ELSPBP1: variants seen among roughly 807,000 people sequenced by gnomAD.
ELSPBP1 encodes the protein epididymal sperm binding protein 1, also known as epididymal sperm-binding protein 1.
ELSPBP1 carries 38 observed loss-of-function variants against 33.3 expected under a neutral mutation model. The ratio of observed to expected loss-of-function variants is 1.14; its 90% CI spans 0.88 to 1.50. The LOEUF is 1.50. ELSPBP1 is among the 40% of genes most tolerant of loss of function. The pLI is 0.00. For synonymous variants in ELSPBP1, 85 were observed against 94.1 expected (o/e 0.90, Z 0.56); for missense variants, 267 against 263.5 (o/e 1.01, Z -0.09).
At chr19:48,013,452 T>TA (rs1223666305) in intron 2 of ELSPBP1, among the ~76,000 whole-genome samples, 14 of 152,172 alleles carry the variant, frequency 9.2e-5, no homozygotes, top group Non-Finnish European at 2.9e-5. Flanking sequence ...CATGGTGGCT[T>TA]ACGCCTGTAA....
chr19:48,016,511 TCTTTCTTTCTTTCTTTCTTC>T (rs1385129116), intron 4 of ELSPBP1, among the ~76,000 whole-genome samples: 3,774 of 87,640 alleles, frequency 0.043, 64 homozygotes, highest in Non-Finnish European at 0.059. Flanking sequence ...TTTCTTTCTT[TCTTTCTTTCTTTCTTTCTTC>T]CTTCCTTCCT....
At chr19:48,024,283 A>G (rs2122345636) in intron 6 of ELSPBP1, among the ~76,000 whole-genome samples, 1 of 152,214 alleles carries the variant, frequency 6.6e-6, no homozygotes, top group South Asian at 2.1e-4. Flanking sequence ...AAAGGTGGTT[A>G]TTTAAGCTTG....
chr19:48,000,236 C>T, intron 1 of ELSPBP1, among the ~76,000 whole-genome samples: 1 of 147,602 alleles, frequency 6.8e-6, no homozygotes, highest in East Asian at 2.0e-4. Flanking sequence ...ATCCTGCCCC[C>T]TCCCCCATCC....
chr19:47,995,232 G>A lies in ELSPBP1; in HGVS notation c.-18+421G>A, dbSNP rs554041096. On this transcript the variant is annotated intron_variant, in intron 1 of 6. Transcript: ENST00000339841. ...GAAGGGGACAGCCAGAGAAAGTAGG[G>A]AAGGTGGTCTTGTGGGTGAGGTCCT... Among the ~76,000 whole-genome samples, 6 of 152,300 alleles carry A rather than the reference G, an allele frequency of 3.9e-5. No individual in the cohort carries two copies. The East Asian group carries it at 1.2e-3, about 29-fold the overall frequency.
chr19:48,022,225 C>G lies in ELSPBP1; in HGVS notation c.570C>G (p.Asn190Lys). The change falls in exon 6 of 7, where the codon AAC becomes AAG. Residue 190 changes from asparagine (N) to lysine (K), a missense_variant. Coordinates refer to ENST00000339841, the MANE Select transcript of ELSPBP1 (RefSeq NM_022142.5). ...GTCACTTTCCGTTCAACTATAAAAACAAGAATTATTTTAACTGCACTAACG... is the reference window on the plus strand; with the variant it reads ...GTCACTTTCCGTTCAACTATAAAAAGAAGAATTATTTTAACTGCACTAACG... Reference protein sequence around the residue: ...FPCHFPFNYKNKNYFNCTNEG... With the variant: ...FPCHFPFNYKKKNYFNCTNEG... The G allele has an allele frequency of 8.7e-6, 14 of 1,613,764 alleles. No homozygotes were observed. The highest frequency in any genetic ancestry group is 1.2e-5 in the Non-Finnish European group (14 of 1,179,880).
rs1967048378 is a variant in ELSPBP1 at position 48,008,740 on chromosome 19, A to G, written c.70+3A>G. 6.2e-7 allele frequency: 1 copy of G among 1,612,666 alleles called. No homozygotes were observed. The highest frequency in any genetic ancestry group is 8.5e-7 in the Non-Finnish European group (1 of 1,178,968). ...CTATTCCTATGAGTCAAGTGGAGGT[A>G]AGGACACTCAAAGCAACAGGGAGGA... On this transcript the variant is annotated splice_donor_region_variant and intron_variant, in intron 2 of 6. Coordinates refer to ENST00000339841, the MANE Select transcript of ELSPBP1 (RefSeq NM_022142.5).
At chr19:48,004,269 GAGGC>G (rs1966995526) in intron 1 of ELSPBP1, among the ~76,000 whole-genome samples, 1 of 151,844 alleles carries the variant, frequency 6.6e-6, no homozygotes, top group East Asian at 2.0e-4. Context: ...GAATCTGAGG[GAGGC>G]TCTACAGGGT....
intron 4 of ELSPBP1, among the ~76,000 whole-genome samples, chr19:48,016,494 TTCTTTCTTTC>T (rs1967139131): frequency 2.8e-5 from 3 of 107,322 alleles, no homozygotes; most frequent in Non-Finnish European, 4.0e-5. Flanking sequence ...CTTTCTTTCT[TTCTTTCTTTC>T]TTTCTTTCTT....
intron 1 of ELSPBP1, among the ~76,000 whole-genome samples, chr19:48,003,065 TCAGGACAGAGGGTTCTCCAAG>T (rs1212413687): frequency 6.6e-6 from 1 of 151,942 alleles, no homozygotes; most frequent in Non-Finnish European, 1.5e-5. Context: ...ACCCCGGGGC[TCAGGACAGAGGGTTCTCCAAG>T]CATCTGAACC....
At chr19:48,003,653 C>T (rs1276402344) in intron 1 of ELSPBP1, among the ~76,000 whole-genome samples, 2 of 150,722 alleles carry the variant, frequency 1.3e-5, no homozygotes, top group East Asian at 3.9e-4. Context: ...TCTCCTTCCT[C>T]AGCCTCCTGA....
intron 3 of ELSPBP1, 121 bp from the exon 4 acceptor site, chr19:48,015,772 A>G (rs763511302): frequency 2.0e-5 from 18 of 906,964 alleles, no homozygotes; most frequent in Non-Finnish European, 2.9e-5. Context: ...GAAATAATGC[A>G]TAAAGTCTCT....
intron 4 of ELSPBP1, 82 bp downstream of exon 4, chr19:48,016,121 G>T: frequency 6.5e-7 from 1 of 1,530,568 alleles, no homozygotes; most frequent in South Asian, 1.2e-5. Context: ...GGCTGGGCAA[G>T]GTAGAGACCA....
chr19:48,008,267 CTG>C (rs1240031121), intron 1 of ELSPBP1, among the ~76,000 whole-genome samples: 1 of 152,124 alleles, frequency 6.6e-6, no homozygotes, highest in Non-Finnish European at 1.5e-5. Flanking sequence ...GGGTCTCACT[CTG>C]TTACTGAGGC....
At chr19:47,998,970 C>T (rs1167078559) in intron 1 of ELSPBP1, among the ~76,000 whole-genome samples, 1 of 152,146 alleles carries the variant, frequency 6.6e-6, no homozygotes, top group Non-Finnish European at 1.5e-5. Flanking sequence ...ATGAAGGGTC[C>T]AGCCATGTGG....
intron 6 of ELSPBP1, among the ~76,000 whole-genome samples, chr19:48,023,287 G>GGAAAGAAGAAAGGAGGGAA (rs1568409447): frequency 7.8e-6 from 1 of 128,778 alleles, no homozygotes; most frequent in African/African-American, 3.1e-5. Context: ...AAAGGAGGGA[G>GGAAAGAAGAAAGGAGGGAA]GAAAGGAAGG....
In ELSPBP1 at chr19:48,015,957, G is replaced by T; in HGVS notation, c.273G>T (p.Gln91His). The change falls in exon 4 of 7, where the codon CAG becomes CAT. Residue 91 changes from glutamine (Q) to histidine (H), a missense_variant. By Grantham distance (24) the Gln-to-His change is conservative. Transcript: ENST00000339841. ...AGGCTTATAACAGCTGCATCTCCCAGGGCAGCTTCTTAGGCAGTCTGTGGT... is the reference window on the plus strand; with the variant it reads ...AGGCTTATAACAGCTGCATCTCCCATGGCAGCTTCTTAGGCAGTCTGTGGT... ...RGKAYNSCIS[Q>H]GSFLGSLWCS... is the part of the protein sequence containing the mutation. The T allele has an allele frequency of 6.2e-7, 1 of 1,613,938 alleles. No homozygotes were observed. The highest frequency in any genetic ancestry group is 8.5e-7 in the Non-Finnish European group (1 of 1,179,886).
Position 48,024,164 on chromosome 19 carries a change from G to A in ELSPBP1, c.*8-788G>A, listed in dbSNP as rs191346521. ...CTCCCAAAGTGCTGGGATTACAGGC[G>A]TGAGTCACTGTACCTGGCCTATCCC... On this transcript the variant is annotated intron_variant, in intron 6 of 6. Transcript: ENST00000339841. Among the ~76,000 whole-genome samples, 175 of 152,016 alleles carry A rather than the reference G, an allele frequency of 1.2e-3. 1 individual carries two copies. Among genetic ancestry groups the A allele is most frequent in the East Asian group, 1.9e-3 (10 of 5,158 alleles).
At chr19:48,008,863 C>T (rs1022720339) in intron 2 of ELSPBP1, 126 bp downstream of exon 2, 55 of 789,856 alleles carry the variant, frequency 7.0e-5, no homozygotes, top group East Asian at 3.2e-4. Flanking sequence ...AAGCTGGGCG[C>T]GGTGGCTGAC....
At chr19:48,006,840 T>C (rs149944896) in intron 1 of ELSPBP1, among the ~76,000 whole-genome samples, 1 of 151,822 alleles carries the variant, frequency 6.6e-6, no homozygotes. Context: ...GTTTGAGGCA[T>C]GGTGCTGGGG....
Sources: allele counts gnomAD v4.1 joint callset (sites outside exome capture counted in the v4.1 genomes callset), GRCh38; gene constraint gnomAD v4.1.1; transcripts MANE v1.5; gene names NCBI Gene and HGNC (gene_info 2026-07-23, HGNC 2026-07-21).